AGBL4: variants seen among roughly 807,000 people sequenced by gnomAD.
The protein encoded by AGBL4 is AGBL carboxypeptidase 4, also known as cytosolic carboxypeptidase 6.
AGBL4 carries 58 observed loss-of-function variants against 66.4 expected under a neutral mutation model. That is an observed-to-expected ratio of 0.87 (90% CI 0.71 to 1.09). AGBL4 has a LOEUF of 1.09. Ranked by LOEUF, AGBL4 falls within the 50% of genes least tolerant of loss-of-function variation. The pLI is 0.00. For synonymous variants in AGBL4, 234 were observed against 222.9 expected (o/e 1.05, Z -0.44); for missense variants, 579 against 631.0 (o/e 0.92, Z 0.88).
rs376944002 is a variant in AGBL4, at chr1:49,589,067, T to C, written c.282+108246A>G. On this transcript the variant is annotated intron_variant, in intron 3 of 13. Coordinates refer to ENST00000371839, the MANE Select transcript of AGBL4 (RefSeq NM_032785.4). ...GAGTTGTATGCATACAGGAAACAAT[T>C]ACCAGTGAAGGTAGGGAGGACATTT... is the stretch of plus-strand genomic sequence containing the variant. Among the ~76,000 whole-genome samples the C allele has an allele frequency of 1.6e-4, 24 of 152,296 alleles. 1 individual carries two copies. In the East Asian group the frequency reaches 1.9e-3, roughly 12 times the overall value.
At position 49,646,967 on chromosome 1, in the gene AGBL4, C is replaced by CA. The variant is rs573759531; in HGVS notation, c.282+50345dup. On this transcript the variant is annotated intron_variant, in intron 3 of 13. Transcript: ENST00000371839. ...CTAAAACAGTATGGTATCCATAGACCAAAAAAAAAAAATCAAAAAATACAA... is the reference window on the plus strand; with the variant it reads ...CTAAAACAGTATGGTATCCATAGACCAAAAAAAAAAAAATCAAAAAATACAA... Among the ~76,000 whole-genome samples the CA allele has an allele frequency of 8.1e-3, 1,121 of 138,182 alleles. 7 individuals carry two copies. Among genetic ancestry groups the CA allele is most frequent in the African/African-American group, 0.026 (977 of 38,024 alleles). The allele number at this position is 138,182 out of a possible 152,430, so 90.7% of individuals were successfully genotyped here.
At chr1:49,832,642 AT>A (rs1645724042) in intron 2 of AGBL4, among the ~76,000 whole-genome samples, 1 of 151,064 alleles carries the variant, frequency 6.6e-6, no homozygotes, top group South Asian at 2.1e-4. Flanking sequence ...ATTTCTCCAC[AT>A]CCTCTCCAGC....
chr1:49,497,275 C>T (rs1647685645), intron 3 of AGBL4, among the ~76,000 whole-genome samples: 1 of 151,988 alleles, frequency 6.6e-6, no homozygotes, highest in Non-Finnish European at 1.5e-5. Flanking sequence ...AACCCCTTAT[C>T]AGATGTAAAG....
intron 6 of AGBL4, among the ~76,000 whole-genome samples, chr1:48,739,402 C>G (rs1477133711): frequency 6.6e-6 from 1 of 152,234 alleles, no homozygotes; most frequent in African/African-American, 2.4e-5. Flanking sequence ...CTCAGCCTGG[C>G]TTTGAAGGCC....
chr1:48,789,645 CA>C (rs1177527976), intron 6 of AGBL4, among the ~76,000 whole-genome samples: 1 of 152,092 alleles, frequency 6.6e-6, no homozygotes, highest in Non-Finnish European at 1.5e-5. Context: ...ATGGAAAATC[CA>C]AATCATGTTC....
At chr1:49,006,775 C>T (rs1661870651) in intron 5 of AGBL4, among the ~76,000 whole-genome samples, 1 of 151,924 alleles carries the variant, frequency 6.6e-6, no homozygotes, top group African/African-American at 2.4e-5. Flanking sequence ...ACACTGACAC[C>T]TCACACGGCA....
At chr1:49,317,122 A>T (rs1230668789) in intron 3 of AGBL4, among the ~76,000 whole-genome samples, 1 of 151,830 alleles carries the variant, frequency 6.6e-6, no homozygotes, top group Non-Finnish European at 1.5e-5. Flanking sequence ...TTACACCAAC[A>T]TGTTAACTTT....
intron 1 of AGBL4, among the ~76,000 whole-genome samples, chr1:49,906,667 TC>T (rs1650307224): frequency 6.6e-6 from 1 of 152,080 alleles, no homozygotes; most frequent in Non-Finnish European, 1.5e-5. Context: ...ATATACCTAG[TC>T]CATTTCCAAC....
intron 5 of AGBL4, among the ~76,000 whole-genome samples, chr1:48,938,739 CTATT>C (rs1327149138): frequency 6.6e-6 from 1 of 152,196 alleles, no homozygotes; most frequent in East Asian, 1.9e-4. Context: ...TCCCAGTTCT[CTATT>C]TGGAACGCCA....
chr1:49,881,348 C>T (rs575947274), intron 1 of AGBL4, among the ~76,000 whole-genome samples: 86 of 152,188 alleles, frequency 5.7e-4, no homozygotes, highest in African/African-American at 1.8e-3. Context: ...GCCATACATA[C>T]GTGTGCATCT....
intron 3 of AGBL4, among the ~76,000 whole-genome samples, chr1:49,448,363 T>G (rs1354023262): frequency 6.6e-6 from 1 of 152,172 alleles, no homozygotes; most frequent in Non-Finnish European, 1.5e-5. Context: ...TCCTTCATGA[T>G]GAAAGAGAAA....
At chr1:49,127,981 G>C (rs1645800682) in intron 4 of AGBL4, among the ~76,000 whole-genome samples, 1 of 151,726 alleles carries the variant, frequency 6.6e-6, no homozygotes, top group Admixed American at 6.6e-5. Flanking sequence ...AGCTATAAAC[G>C]GTAGAAAAAC....
chr1:48,954,692 C>T (rs1057064917), intron 5 of AGBL4, among the ~76,000 whole-genome samples: 1 of 152,132 alleles, frequency 6.6e-6, no homozygotes, highest in African/African-American at 2.4e-5. Flanking sequence ...ATGATGTAAA[C>T]TTGAGCTGTG....
rs1484308092 is a variant in AGBL4 at position 48,619,794 on chromosome 1, G to GC, written c.951+14698_951+14699insG. ...TTGAAGTGCCCTGTAGGATCAGCCGGTGGGGGCTGCTGTGTACAGTGGCCT... is the reference window on the plus strand; with the variant it reads ...TTGAAGTGCCCTGTAGGATCAGCCGGCTGGGGGCTGCTGTGTACAGTGGCCT... On this transcript the variant is annotated intron_variant, in intron 9 of 13. Coordinates refer to ENST00000371839, the MANE Select transcript of AGBL4 (RefSeq NM_032785.4). Among the ~76,000 whole-genome samples the GC allele has an allele frequency of 5.9e-5, 9 of 152,310 alleles. No individual in the cohort carries two copies. In the Middle Eastern group the frequency reaches 0.01, roughly 173 times the overall value.
intron 5 of AGBL4, among the ~76,000 whole-genome samples, chr1:49,034,806 T>C (rs955438206): frequency 6.6e-6 from 1 of 152,224 alleles, no homozygotes. Context: ...CTACCAGTCA[T>C]GCTGAAGTGT....
At chr1:49,678,545 C>T (rs1436438121) in intron 3 of AGBL4, among the ~76,000 whole-genome samples, 7 of 151,986 alleles carry the variant, frequency 4.6e-5, no homozygotes, top group Non-Finnish European at 1.0e-4. Flanking sequence ...AAGGAAGGAG[C>T]TTAGATTGCT....
intron 3 of AGBL4, among the ~76,000 whole-genome samples, chr1:49,392,754 A>G (rs1277243945): frequency 6.6e-6 from 1 of 151,934 alleles, no homozygotes; most frequent in African/African-American, 2.4e-5. Flanking sequence ...ATGCATAGAG[A>G]AAACACTAGA....
chr1:49,478,011 C>T (rs1646880147), intron 3 of AGBL4, among the ~76,000 whole-genome samples: 1 of 151,210 alleles, frequency 6.6e-6, no homozygotes, highest in Non-Finnish European at 1.5e-5. Context: ...TGAAAATACA[C>T]AGTCAGATGA....
intron 4 of AGBL4, among the ~76,000 whole-genome samples, chr1:49,060,199 G>A (rs1177864972): frequency 6.6e-6 from 1 of 152,118 alleles, no homozygotes; most frequent in Non-Finnish European, 1.5e-5. Flanking sequence ...ATTGAATCAT[G>A]AGGGTGGTTA....
Sources: allele counts gnomAD v4.1 joint callset (sites outside exome capture counted in the v4.1 genomes callset), GRCh38; gene constraint gnomAD v4.1.1; transcripts MANE v1.5; gene names NCBI Gene and HGNC (gene_info 2026-07-23, HGNC 2026-07-21).